Variants in MAP4K4 observed in about 807,000 individuals in gnomAD.
MAP4K4 encodes the protein HPK/GCK-like kinase HGK.
Under a neutral mutation model 189.6 loss-of-function variants are expected in MAP4K4, and 38 were observed. That is an observed-to-expected ratio of 0.20 (90% CI 0.15 to 0.26). MAP4K4 has a LOEUF of 0.26. MAP4K4 is among the 10% of genes least tolerant of loss of function. MAP4K4 has a pLI of 1.00. For synonymous variants in MAP4K4, 610 were observed against 624.3 expected (o/e 0.98, Z 0.34); for missense variants, 1,054 against 1,726.9 (o/e 0.61, Z 6.91).
chr2:101,839,208 A>G (rs529312308), intron 9 of MAP4K4, among the ~76,000 whole-genome samples: 1 of 152,328 alleles, frequency 6.6e-6, no homozygotes, highest in South Asian at 2.1e-4. Flanking sequence ...GGAAGAAGTA[A>G]AAGTGGCTAG....
intron 3 of MAP4K4, among the ~76,000 whole-genome samples, chr2:101,804,930 C>G (rs1327750374): frequency 6.6e-6 from 1 of 151,732 alleles, no homozygotes; most frequent in African/African-American, 2.4e-5. Flanking sequence ...AAAAATTGGC[C>G]GAGCGTGGTG....
At chr2:101,864,082 T>A in intron 17 of MAP4K4, 31 bp downstream of exon 17, 1 of 1,202,054 alleles carries the variant, frequency 8.3e-7, no homozygotes, top group Non-Finnish European at 1.1e-6. Context: ...TGTGTGCTGC[T>A]TTTTTCCTTT....
chr2:101,703,101 T>G (rs940519422), intron 2 of MAP4K4, among the ~76,000 whole-genome samples: 1 of 152,100 alleles, frequency 6.6e-6, no homozygotes, highest in African/African-American at 2.4e-5. Flanking sequence ...GGGGATCCCT[T>G]AGAGTAGGGG....
intron 27 of MAP4K4, among the ~76,000 whole-genome samples, chr2:101,879,654 C>T (rs1288590449): frequency 6.6e-6 from 1 of 152,220 alleles, no homozygotes; most frequent in African/African-American, 2.4e-5. Flanking sequence ...CAGATAGCCC[C>T]ACCCTGGTGA....
chr2:101,703,292 C>T (rs907968431), intron 2 of MAP4K4, among the ~76,000 whole-genome samples: 6 of 152,076 alleles, frequency 3.9e-5, no homozygotes, highest in Non-Finnish European at 7.4e-5. Context: ...TTCACTCGTT[C>T]TCTGCAGGCT....
intron 3 of MAP4K4, among the ~76,000 whole-genome samples, chr2:101,812,909 C>T (rs766171776): frequency 6.6e-6 from 1 of 152,120 alleles, no homozygotes; most frequent in Non-Finnish European, 1.5e-5. Context: ...GGGCGGATCA[C>T]GAAGTCAGGA....
At chr2:101,869,112 A>G (rs756266192) in intron 21 of MAP4K4, among the ~76,000 whole-genome samples, 1 of 151,994 alleles carries the variant, frequency 6.6e-6, no homozygotes, top group Non-Finnish European at 1.5e-5. Flanking sequence ...TAAATATCCT[A>G]TAACTAGTAA....
At chr2:101,789,078 T>C (rs2092362834) in intron 2 of MAP4K4, among the ~76,000 whole-genome samples, 1 of 152,198 alleles carries the variant, frequency 6.6e-6, no homozygotes, top group Admixed American at 6.5e-5. Flanking sequence ...ACAGTGCATG[T>C]GACATTTTCC....
intron 2 of MAP4K4, among the ~76,000 whole-genome samples, chr2:101,768,081 A>G (rs1198138666): frequency 2.0e-5 from 3 of 152,178 alleles, no homozygotes; most frequent in African/African-American, 7.2e-5. Context: ...CTTTTTACAC[A>G]TGGCTTATTA....
chr2:101,713,119 G>A (rs1337110472), intron 2 of MAP4K4, among the ~76,000 whole-genome samples: 1 of 151,128 alleles, frequency 6.6e-6, no homozygotes, highest in Non-Finnish European at 1.5e-5. Flanking sequence ...TGGCCAGACT[G>A]ATCTCAAACT....
intron 2 of MAP4K4, among the ~76,000 whole-genome samples, chr2:101,700,680 GTTTC>G (rs1453607253): frequency 4.0e-5 from 6 of 151,434 alleles, no homozygotes; most frequent in Non-Finnish European, 8.8e-5. Flanking sequence ...ACTTTAGAAT[GTTTC>G]TTTTTTACAC....
chr2:101,747,921 T>A (rs1264691417), intron 2 of MAP4K4, among the ~76,000 whole-genome samples: 2 of 152,224 alleles, frequency 1.3e-5, no homozygotes, highest in Non-Finnish European at 2.9e-5. Context: ...AGAAATGCTC[T>A]GTAGGTGCTT....
intron 3 of MAP4K4, among the ~76,000 whole-genome samples, chr2:101,808,732 C>T (rs1341980307): frequency 6.6e-6 from 1 of 151,984 alleles, no homozygotes; most frequent in Non-Finnish European, 1.5e-5. Flanking sequence ...AAAAAAATTA[C>T]ACTCATAATT....
chr2:101,792,597 T>TCTCCTCCTTCTCCTC (rs1553473153), intron 3 of MAP4K4, among the ~76,000 whole-genome samples: 2 of 144,838 alleles, frequency 1.4e-5, no homozygotes, highest in African/African-American at 5.5e-5. Context: ...TTCTCCTCCT[T>TCTCCTCCTTCTCCTC]CTCCTCCTCC....
chr2:101,836,034 TTTAG>T (rs2096739928), intron 9 of MAP4K4, 56 bp downstream of exon 9: 3 of 1,321,762 alleles, frequency 2.3e-6, no homozygotes, highest in Non-Finnish European at 3.2e-6. Context: ...ATTGCTTCTT[TTTAG>T]TTATACTTTC....
intron 2 of MAP4K4, among the ~76,000 whole-genome samples, chr2:101,700,006 T>G (rs1334956021): frequency 6.6e-6 from 1 of 152,192 alleles, no homozygotes; most frequent in Non-Finnish European, 1.5e-5. Flanking sequence ...TAAGCACCAG[T>G]CATTTTTTTT....
intron 2 of MAP4K4, among the ~76,000 whole-genome samples, chr2:101,715,160 T>G (rs1448620987): frequency 6.6e-6 from 1 of 152,232 alleles, no homozygotes; most frequent in Non-Finnish European, 1.5e-5. Flanking sequence ...CTCCTTTTTC[T>G]AATTTGCAAA....
At chr2:101,810,812 A>G (rs2095372910) in intron 3 of MAP4K4, among the ~76,000 whole-genome samples, 1 of 151,998 alleles carries the variant, frequency 6.6e-6, no homozygotes, top group Non-Finnish European at 1.5e-5. Flanking sequence ...AAACTGATAA[A>G]CCCAATTAAT....
At chr2:101,870,694 G>A (rs1002232887) in intron 23 of MAP4K4, 1 of 323,948 alleles carries the variant, frequency 3.1e-6, no homozygotes, top group African/African-American at 2.2e-5. Context: ...TGTCTGAGCG[G>A]GAGAGAAGCC....
Sources: allele counts gnomAD v4.1 joint callset (sites outside exome capture counted in the v4.1 genomes callset), GRCh38; gene constraint gnomAD v4.1.1; transcripts MANE v1.5; gene names NCBI Gene and HGNC (gene_info 2026-07-23, HGNC 2026-07-21).